The following CACNA1A variants were observed in gnomAD, a reference collection of about 807,000 sequenced individuals.
CACNA1A encodes the protein calcium voltage-gated channel subunit alpha1 A, also known as voltage-dependent P/Q-type calcium channel subunit alpha-1A.
In CACNA1A, 57 loss-of-function variants were observed where a neutral mutation model predicts 262.4. The ratio of observed to expected loss-of-function variants is 0.22; its 90% CI spans 0.18 to 0.27. CACNA1A has a LOEUF of 0.27. Among genes scored for constraint, CACNA1A ranks in the 10% least tolerant of loss-of-function variants. CACNA1A has a pLI of 1.00. For synonymous variants in CACNA1A, 1,431 were observed against 1,419.3 expected, an observed-to-expected ratio of 1.01 and a Z score of -0.18; for missense variants, 2,526 against 3,562.8, an observed-to-expected ratio of 0.71 and a Z score of 7.41.
intron 4 of CACNA1A, among the ~76,000 whole-genome samples, chr19:13,367,872 T>A (rs914563779): frequency 1.2e-4 from 19 of 152,150 alleles, no homozygotes; most frequent in Non-Finnish European, 2.6e-4. Context: ...AAGCTCAGCC[T>A]CCAGTAGCCT....
At chr19:13,216,215 TCCTA>T (rs1451251416) in intron 38 of CACNA1A, among the ~76,000 whole-genome samples, 47 of 152,174 alleles carry the variant, frequency 3.1e-4, no homozygotes, top group Admixed American at 2.7e-3. Context: ...TTCCTGGCCC[TCCTA>T]CCTGAGTACA....
chr19:13,401,333 G>A (rs954935702), intron 3 of CACNA1A, among the ~76,000 whole-genome samples: 2 of 152,154 alleles, frequency 1.3e-5, no homozygotes, highest in Admixed American at 6.5e-5. Flanking sequence ...ACGGCTCTGG[G>A]TTTCCATGTT....
chr19:13,233,390 C>T (rs1423169308), intron 34 of CACNA1A, among the ~76,000 whole-genome samples: 5 of 152,168 alleles, frequency 3.3e-5, no homozygotes, highest in Admixed American at 3.3e-4. Flanking sequence ...TCAATTTAAC[C>T]ATTTTGAAGT....
intron 3 of CACNA1A, among the ~76,000 whole-genome samples, chr19:13,405,474 G>C (rs2059987969): frequency 6.6e-6 from 1 of 152,170 alleles, no homozygotes; most frequent in Non-Finnish European, 1.5e-5. Flanking sequence ...CTAAAGTGCT[G>C]GGATTACAGG....
At chr19:13,482,482 C>A (rs1273113473) in intron 1 of CACNA1A, among the ~76,000 whole-genome samples, 51 of 141,944 alleles carry the variant, frequency 3.6e-4, no homozygotes, top group African/African-American at 3.1e-4. Flanking sequence ...GACTCCGTCT[C>A]AAAAAAAAAA....
intron 3 of CACNA1A, among the ~76,000 whole-genome samples, chr19:13,397,607 C>T (rs529118330): frequency 3.8e-4 from 56 of 149,004 alleles, no homozygotes; most frequent in Admixed American, 2.4e-3. Context: ...CCGCCATGTA[C>T]GCTCTGGTGA....
Position 13,212,825 on chromosome 19 carries a change from T to A in CACNA1A, c.5941-85A>T. 1 of 548,552 alleles carries A rather than the reference T, an allele frequency of 1.8e-6. No homozygotes were observed. Among genetic ancestry groups the A allele is most frequent in the Non-Finnish European group, 3.1e-6 (1 of 320,354 alleles). The allele number at this position is 548,552 out of a possible 1,614,324, so 34.0% of individuals were successfully genotyped here. A position where few individuals can be genotyped will look rare whatever the true frequency, so the allele number is the denominator to read the frequency against. ...CCAGAAGGCATTGCGACATCCCCAG[T>A]ATACACACACACACACACACACACT... On this transcript the variant is annotated intron_variant, in intron 40 of 46. Transcript: ENST00000360228. The surrounding 1 kb of genome is among the most constrained non-coding windows in gnomAD (Gnocchi z 5.6).
At chr19:13,326,935 G>A (rs1171198650) in intron 10 of CACNA1A, among the ~76,000 whole-genome samples, 3 of 149,952 alleles carry the variant, frequency 2.0e-5, no homozygotes, top group Non-Finnish European at 4.4e-5. Context: ...TCTCTGTCAC[G>A]CAGGCTGGAG....
At chr19:13,465,597 G>A (rs758619239) in intron 1 of CACNA1A, among the ~76,000 whole-genome samples, 29 of 151,980 alleles carry the variant, frequency 1.9e-4, no homozygotes, top group Admixed American at 1.0e-3. Flanking sequence ...CGATCCTCTC[G>A]CCTCAGTCTC....
chr19:13,358,263 G>T (rs1220638663), intron 6 of CACNA1A, among the ~76,000 whole-genome samples: 1 of 152,030 alleles, frequency 6.6e-6, no homozygotes, highest in Non-Finnish European at 1.5e-5. Flanking sequence ...ATGCTATGCA[G>T]CTGTGCAAAA....
Position 13,208,841 on chromosome 19 carries a change from C to T in CACNA1A, c.6695G>A (p.Arg2232Gln), listed in dbSNP as rs777894367. ...PPDKDRYAQE[R>Q]PDHGRARARD... ...AGCCCGTGCCCGGCCGTGGTCCGGCCGTTCCTGGGCATAGCGGTCCTTGTC... is the reference window on the plus strand; with the variant it reads ...AGCCCGTGCCCGGCCGTGGTCCGGCTGTTCCTGGGCATAGCGGTCCTTGTC... Residue 2232 changes from arginine to glutamine, a missense_variant, in exon 46 of 47, where the codon CGG becomes CAG. Coordinates refer to ENST00000360228, the MANE Select transcript of CACNA1A (RefSeq NM_001127222.2). 27 of 1,493,988 alleles carry T rather than the reference C, an allele frequency of 1.8e-5. No individual in the cohort carries two copies. The highest frequency in any genetic ancestry group is 2.0e-4 in the Middle Eastern group (1 of 5,030). 92.5% of individuals were successfully genotyped at this position (1,493,988 alleles called of 1,614,324 possible).
At chr19:13,399,189 CT>C (rs2059857916) in intron 3 of CACNA1A, among the ~76,000 whole-genome samples, 1 of 152,088 alleles carries the variant, frequency 6.6e-6, no homozygotes, top group Non-Finnish European at 1.5e-5. Context: ...GGACACCCCA[CT>C]TTTTTCAAGT....
At chr19:13,373,873 C>T (rs1335431423) in intron 3 of CACNA1A, among the ~76,000 whole-genome samples, 1 of 152,192 alleles carries the variant, frequency 6.6e-6, no homozygotes, top group Non-Finnish European at 1.5e-5. Context: ...CCCCATGGAG[C>T]TGATGCAGAA....
chr19:13,470,882 T>C (rs746631612), intron 1 of CACNA1A, among the ~76,000 whole-genome samples: 29 of 152,170 alleles, frequency 1.9e-4, no homozygotes, highest in Non-Finnish European at 3.8e-4. Context: ...CATAGGAGTG[T>C]CTATATTAGT....
rs2059068816 is a variant in CACNA1A at position 13,359,739 on chromosome 19, G to A, written c.845C>T (p.Pro282Leu). 1 of 1,566,842 alleles carries A rather than the reference G, an allele frequency of 6.4e-7. No homozygotes were observed. Among genetic ancestry groups the A allele is most frequent in the African/African-American group, 1.4e-5 (1 of 73,776 alleles). The stretch of plus-strand genomic sequence containing the variant: ...GTAGGGCTGACATTTGGTCCCATTG[G>A]GGCAGGTGCGGGCGGGCTCTTCTGT... Reference protein sequence around the residue: ...CGTEEPARTCPNGTKCQPYWE... With the variant: ...CGTEEPARTCLNGTKCQPYWE... Residue 282 changes from proline (P) to leucine (L), a missense_variant, in exon 6 of 47, where the codon CCC becomes CTC. Transcript: ENST00000360228.
intron 30 of CACNA1A, chr19:13,245,661 CTT>C: frequency 1.9e-5 from 1 of 52,864 alleles, no homozygotes; most frequent in Non-Finnish European, 4.7e-5. Context: ...TTTTCTTTTT[CTT>C]TCTTTCTCTT....
At chr19:13,368,118 C>G (rs371270517) in intron 4 of CACNA1A, among the ~76,000 whole-genome samples, 9 of 151,874 alleles carry the variant, frequency 5.9e-5, no homozygotes, top group African/African-American at 2.2e-4. Context: ...AGTTTGAGAC[C>G]AGCCTGAGCA....
At position 13,248,796 on chromosome 19, in the gene CACNA1A, T is replaced by C. The variant is rs532776897; in HGVS notation, c.4867-3531A>G. On this transcript the variant is annotated intron_variant, in intron 30 of 46. Transcript: ENST00000360228. ...AAGCAGAGGTTGCAGTGAGCCAAGA[T>C]TGCACCACTGCACTCCAGCCTGGGC... 3.8e-4 allele frequency among the ~76,000 whole-genome samples: 58 copies of C among 150,980 alleles called. 2 individuals carry two copies. Among genetic ancestry groups the C allele is most frequent in the Middle Eastern group, 6.8e-3 (2 of 294 alleles).
intron 3 of CACNA1A, among the ~76,000 whole-genome samples, chr19:13,403,546 G>A (rs1244324414): frequency 6.6e-6 from 1 of 152,106 alleles, no homozygotes; most frequent in Non-Finnish European, 1.5e-5. Flanking sequence ...ACCCAAACCA[G>A]AGGTGTTCAT....
Sources: allele counts gnomAD v4.1 joint callset (sites outside exome capture counted in the v4.1 genomes callset), GRCh38; gene constraint gnomAD v4.1.1; non-coding constraint Gnocchi (gnomAD v3.1); transcripts MANE v1.5; gene names NCBI Gene and HGNC (gene_info 2026-07-23, HGNC 2026-07-21).